Variants in SLC12A7 observed in about 807,000 individuals in gnomAD.
SLC12A7 encodes solute carrier family 12 member 7.
SLC12A7 carries 100 observed loss-of-function variants against 120.6 expected under a neutral mutation model. The ratio of observed to expected loss-of-function variants is 0.83; its 90% CI spans 0.71 to 0.98. The LOEUF (loss-of-function observed/expected upper bound fraction) is 0.98. Among genes scored for constraint, SLC12A7 ranks in the 50% least tolerant of loss-of-function variants. SLC12A7 has a pLI of 0.00. For missense variants in SLC12A7, 1,373 were observed against 1,548.1 expected (o/e 0.89, Z 1.90); for synonymous variants, 760 against 678.0 (o/e 1.12, Z -1.88).
At chr5:1,111,726 G>T in intron 1 of SLC12A7, 142 bp downstream of exon 1, 2 of 870,946 alleles carry the variant, frequency 2.3e-6, no homozygotes, top group Admixed American at 4.7e-5. Flanking sequence ...CCTCGTGGGG[G>T]ACCGAGAACA....
At chr5:1,097,634 G>A (rs1442126802) in intron 1 of SLC12A7, among the ~76,000 whole-genome samples, 1 of 152,320 alleles carries the variant, frequency 6.6e-6, no homozygotes, top group African/African-American at 2.4e-5. Context: ...CTGTCCTTCT[G>A]CTGCTTATTA....
At chr5:1,052,672 G>A (rs553357098) in intron 23 of SLC12A7, among the ~76,000 whole-genome samples, 2 of 152,290 alleles carry the variant, frequency 1.3e-5, no homozygotes, top group South Asian at 4.1e-4. Flanking sequence ...AGGGAGCACC[G>A]TGGCCACAGG....
the SLC12A7 span, among the ~76,000 whole-genome samples, chr5:1,150,923 C>T: frequency 6.6e-6 from 1 of 152,264 alleles, no homozygotes; most frequent in African/African-American, 2.4e-5. Flanking sequence ...ATTTTCCCAA[C>T]AAGGAGAGCA....
chr5:1,066,827 C>A (rs533225108), intron 17 of SLC12A7, among the ~76,000 whole-genome samples: 3 of 152,156 alleles, frequency 2.0e-5, no homozygotes, highest in Non-Finnish European at 4.4e-5. Flanking sequence ...CTGGAGGCAG[C>A]GTGGCCTGCG....
At chr5:1,068,315 A>G (rs571718689) in intron 17 of SLC12A7, among the ~76,000 whole-genome samples, 29 of 152,276 alleles carry the variant, frequency 1.9e-4, no homozygotes, top group Admixed American at 3.3e-4. Context: ...GGCACCTGTA[A>G]TCCCAGCTAC....
At chr5:1,109,572 G>A (rs6872485) in intron 1 of SLC12A7, among the ~76,000 whole-genome samples, 10 of 152,230 alleles carry the variant, frequency 6.6e-5, no homozygotes, top group African/African-American at 2.4e-4. Flanking sequence ...TGCAGGGGTC[G>A]GGGACAGAAG....
At chr5:1,143,160 C>T in the SLC12A7 span, among the ~76,000 whole-genome samples, 4 of 152,248 alleles carry the variant, frequency 2.6e-5, no homozygotes, top group African/African-American at 7.2e-5. Flanking sequence ...GGATCACCTG[C>T]GGAAGGTGGC....
chr5:1,064,626 A>T (rs1005334147), intron 18 of SLC12A7, among the ~76,000 whole-genome samples: 2 of 152,156 alleles, frequency 1.3e-5, no homozygotes, highest in African/African-American at 4.8e-5. Context: ...CGTTGAGGGG[A>T]CAGCGAGGAG....
chr5:1,087,787 G>A (rs958745620), intron 5 of SLC12A7, among the ~76,000 whole-genome samples: 1 of 152,220 alleles, frequency 6.6e-6, no homozygotes, highest in Non-Finnish European at 1.5e-5. Flanking sequence ...ATTTCGTATC[G>A]TAATTCGTTT....
intron 22 of SLC12A7, chr5:1,057,136 C>T (rs966306360): frequency 2.3e-5 from 6 of 261,932 alleles, no homozygotes; most frequent in African/African-American, 1.3e-4. Context: ...CTAGGTCCTA[C>T]AAGGACCCCT....
At chr5:1,103,259 G>T (rs1742186590) in intron 1 of SLC12A7, among the ~76,000 whole-genome samples, 1 of 152,102 alleles carries the variant, frequency 6.6e-6, no homozygotes, top group Admixed American at 6.5e-5. Context: ...TTCCCGAAGT[G>T]ACCTCATCCC....
At chr5:1,095,799 G>A (rs1156648722) in intron 1 of SLC12A7, among the ~76,000 whole-genome samples, 9 of 152,234 alleles carry the variant, frequency 5.9e-5, no homozygotes, top group Admixed American at 5.2e-4. Flanking sequence ...CCAGCAAAGA[G>A]GGCATCGCCG....
At chr5:1,088,653 C>T (rs1162185053) in intron 4 of SLC12A7, among the ~76,000 whole-genome samples, 1 of 152,170 alleles carries the variant, frequency 6.6e-6, no homozygotes, top group East Asian at 1.9e-4. Flanking sequence ...CCCTTGGAAG[C>T]CTCAGCCCCC....
chr5:1,108,335 TC>T (rs1398762220), intron 1 of SLC12A7, among the ~76,000 whole-genome samples: 1 of 152,246 alleles, frequency 6.6e-6, no homozygotes, highest in African/African-American at 2.4e-5. Context: ...GCCACGGCGT[TC>T]CTGTGTATCT....
At chr5:1,123,606 C>T in the SLC12A7 span, among the ~76,000 whole-genome samples, 1 of 152,248 alleles carries the variant, frequency 6.6e-6, no homozygotes, top group Non-Finnish European at 1.5e-5. Context: ...GGCCAGAGAC[C>T]GCCGCACAGA....
intron 21 of SLC12A7, among the ~76,000 whole-genome samples, chr5:1,060,072 T>C (rs372167450): frequency 6.6e-6 from 1 of 152,232 alleles, no homozygotes; most frequent in African/African-American, 2.4e-5. Context: ...CGTCCCTTCC[T>C]GCACATGAGC....
At chr5:1,151,558 C>T in the SLC12A7 span, among the ~76,000 whole-genome samples, 1 of 152,220 alleles carries the variant, frequency 6.6e-6, no homozygotes, top group South Asian at 2.1e-4. The surrounding 1 kb of genome is among the most constrained non-coding windows in gnomAD (Gnocchi z 6.2). Context: ...GCCCAACCCT[C>T]TAATCAGGGA....
In SLC12A7 at chr5:1,053,348, C is replaced by T. The variant is rs1015726969; in HGVS notation, c.3160+1G>A. ...AGCAGGCACACTGCAAGAAAGGATACAGTTCTCGTCTCCCTGCCGGTTTTT... is the reference window on the plus strand; with the variant it reads ...AGCAGGCACACTGCAAGAAAGGATATAGTTCTCGTCTCCCTGCCGGTTTTT... On this transcript the variant is annotated splice_donor_variant, in intron 23 of 23. Coordinates refer to ENST00000264930, the MANE Select transcript of SLC12A7 (RefSeq NM_006598.3). LOFTEE classifies it high-confidence loss of function. 2.5e-6 allele frequency: 4 copies of T among 1,613,570 alleles called. No homozygotes were observed. The highest frequency in any genetic ancestry group is 2.2e-5 in the South Asian group (2 of 91,004).
chr5:1,151,685 G>A, the SLC12A7 span, among the ~76,000 whole-genome samples: 2 of 151,966 alleles, frequency 1.3e-5, no homozygotes, highest in East Asian at 3.9e-4. The surrounding 1 kb of genome is among the most constrained non-coding windows in gnomAD (Gnocchi z 6.2). Flanking sequence ...CTCTAGAGCA[G>A]GCTCAGTGCA....
Sources: allele counts gnomAD v4.1 joint callset (sites outside exome capture counted in the v4.1 genomes callset), GRCh38; gene constraint gnomAD v4.1.1; non-coding constraint Gnocchi (gnomAD v3.1); transcripts MANE v1.5; gene names NCBI Gene and HGNC (gene_info 2026-07-23, HGNC 2026-07-21).